Variants in WDFY4 observed in about 807,000 individuals in gnomAD.
The protein encoded by WDFY4 is WD repeat- and FYVE domain-containing protein 4.
In WDFY4, 169 loss-of-function variants were observed where a neutral mutation model predicts 351.9. The ratio of observed to expected loss-of-function variants is 0.48; its 90% CI spans 0.42 to 0.55. WDFY4 has a LOEUF of 0.55. Among genes scored for constraint, WDFY4 ranks in the 20% least tolerant of loss-of-function variants. The pLI, the probability that WDFY4 is intolerant of heterozygous loss-of-function variation, is 0.00. For synonymous variants in WDFY4, 1,622 were observed against 1,574.6 expected (o/e 1.03, Z -0.71); for missense variants, 3,803 against 3,935.6 (o/e 0.97, Z 0.90).
intron 5 of WDFY4, 50 bp from the exon 6 acceptor site, chr10:48,725,831 G>A (rs760692044): frequency 2.7e-6 from 4 of 1,497,750 alleles, no homozygotes; most frequent in Admixed American, 4.0e-5. Context: ...ATCTGAGGAA[G>A]GAGACTTCCT....
At chr10:48,798,690 C>G (rs1280011434) in intron 24 of WDFY4, among the ~76,000 whole-genome samples, 1 of 152,326 alleles carries the variant, frequency 6.6e-6, no homozygotes, top group East Asian at 1.9e-4. Flanking sequence ...GCTGGGCACT[C>G]ATAGGGAAAT....
At chr10:48,908,372 T>C (rs2133449245) in intron 47 of WDFY4, among the ~76,000 whole-genome samples, 1 of 152,330 alleles carries the variant, frequency 6.6e-6, no homozygotes, top group East Asian at 1.9e-4. Context: ...ACCTGGGACA[T>C]AGAGATTTCA....
At chr10:48,849,587 A>G (rs1836430063) in intron 39 of WDFY4, among the ~76,000 whole-genome samples, 1 of 152,240 alleles carries the variant, frequency 6.6e-6, no homozygotes, top group Non-Finnish European at 1.5e-5. Flanking sequence ...TCCCAGGTTC[A>G]CAGTGGGGGT....
chr10:48,781,251 T>C (rs950709124), intron 19 of WDFY4, among the ~76,000 whole-genome samples: 1 of 151,904 alleles, frequency 6.6e-6, no homozygotes, highest in East Asian at 1.9e-4. Flanking sequence ...TGTGTATATA[T>C]ATATGTGTGT....
chr10:48,879,333 C>A (rs2070154211), intron 43 of WDFY4, among the ~76,000 whole-genome samples: 1 of 152,160 alleles, frequency 6.6e-6, no homozygotes, highest in Non-Finnish European at 1.5e-5. Flanking sequence ...CTGCTGGGCA[C>A]CCTACGTTGT....
intron 47 of WDFY4, among the ~76,000 whole-genome samples, chr10:48,936,499 G>T (rs949629992): frequency 5.3e-5 from 8 of 151,944 alleles, no homozygotes. Context: ...AAATATACAA[G>T]ATAAATACAT....
chr10:48,865,870 T>A (rs1202323228), intron 39 of WDFY4, among the ~76,000 whole-genome samples: 1 of 152,174 alleles, frequency 6.6e-6, no homozygotes, highest in East Asian at 1.9e-4. Flanking sequence ...TGGCATACAA[T>A]TGTTTATAGT....
At chr10:48,763,963 C>T (rs1284463642) in intron 13 of WDFY4, among the ~76,000 whole-genome samples, 2 of 152,200 alleles carry the variant, frequency 1.3e-5, no homozygotes, top group East Asian at 1.9e-4. Context: ...AACGGCAGGC[C>T]TCCGCAGGTT....
chr10:48,735,082 C>T (rs116082301), intron 10 of WDFY4, among the ~76,000 whole-genome samples: 2,200 of 152,000 alleles, frequency 0.014, 50 homozygotes, highest in African/African-American at 0.05. Flanking sequence ...TGAGCCACCA[C>T]GCCTGGCCAG....
At chr10:48,947,940 G>A (rs576177940) in intron 51 of WDFY4, among the ~76,000 whole-genome samples, 18 of 152,300 alleles carry the variant, frequency 1.2e-4, no homozygotes, top group Middle Eastern at 3.4e-3. Context: ...TGACACCTAA[G>A]CCTCATCTCA....
intron 43 of WDFY4, among the ~76,000 whole-genome samples, chr10:48,882,214 T>C (rs946990213): frequency 6.6e-6 from 1 of 152,068 alleles, no homozygotes; most frequent in Non-Finnish European, 1.5e-5. Flanking sequence ...GGGAGCCTGC[T>C]CTGGGGTGGG....
chr10:48,930,275 G>A (rs1839914568), intron 47 of WDFY4, among the ~76,000 whole-genome samples: 1 of 152,210 alleles, frequency 6.6e-6, no homozygotes, highest in Non-Finnish European at 1.5e-5. Flanking sequence ...AGGATTTCCA[G>A]AATATGAATA....
Position 48,776,941 on chromosome 10 carries a change from G to GC in WDFY4, c.3059dup (p.Ser1021IlefsTer6). The GC allele has an allele frequency of 1.3e-6, 2 of 1,552,348 alleles. No homozygotes were observed. Among genetic ancestry groups the GC allele is most frequent in the Non-Finnish European group, 1.7e-6 (2 of 1,147,114 alleles). The stretch of plus-strand genomic sequence containing the variant: ...CCTGCAGCCTCAGAGGGCAGCCCTG[G>GC]CCCCATCGTTTGTGGAATTTGACAT... On this transcript the variant is annotated frameshift_variant, in exon 16 of 62. Coordinates refer to ENST00000325239, the MANE Select transcript of WDFY4 (RefSeq NM_001394531.1). LOFTEE classifies it high-confidence loss of function.
In WDFY4 at chr10:48,970,286, G is replaced by T; in HGVS notation, c.8925G>T (p.Arg2975=). The T allele has an allele frequency of 6.5e-7, 1 of 1,550,362 alleles. No homozygotes were observed. ...GCCGCCCGAGGGGCTTGCGCCTCCG[G>T]CAGGTATGGTCCAGCTCGTGCAGGT... The part of the protein sequence containing the change: ...TKGRPRGLRL[R]QALYGHTQAV... Residue 2975 remains arginine (R), a synonymous_variant, in exon 57 of 62, where the codon CGG becomes CGT. Transcript: ENST00000325239.
chr10:48,844,593 G>A (rs1005622875), intron 39 of WDFY4, among the ~76,000 whole-genome samples: 4 of 151,280 alleles, frequency 2.6e-5, no homozygotes, highest in Non-Finnish European at 4.4e-5. Flanking sequence ...ACTCCTTCTC[G>A]AACAAAAAAG....
At chr10:48,745,793 A>G (rs2064992603) in intron 12 of WDFY4, 2 of 411,014 alleles carry the variant, frequency 4.9e-6, no homozygotes, top group Non-Finnish European at 9.1e-6. Context: ...ACACCCATCT[A>G]GTTTTCCTGC....
chr10:48,966,568 C>T lies in WDFY4; in HGVS notation c.8479C>T (p.Pro2827Ser). The T allele has an allele frequency of 6.4e-7, 1 of 1,552,166 alleles. No individual in the cohort carries two copies. The highest frequency in any genetic ancestry group is 1.4e-5 in the African/African-American group (1 of 73,158). ...PHPARTAAGK[P>S]LPGKDVSTPV... ...CCCAGCCAGGACTGCAGCAGGGAAG[C>T]CTCTGCCTGGAAAGGATGTCTCCAC... The change falls in exon 55 of 62, where the codon CCT becomes TCT. Residue 2827 changes from proline to serine, a missense_variant. This residue lies in a region of WDFY4 where 3,054 missense variants were observed against 3,148.6 expected (regional missense o/e 0.97). Transcript: ENST00000325239.
At chr10:48,722,004 A>T (rs11813901) in intron 4 of WDFY4, among the ~76,000 whole-genome samples, 12,793 of 152,150 alleles carry the variant, frequency 0.084, 679 homozygotes, top group African/African-American at 0.15. Context: ...ACAGCAGGGA[A>T]CCTGGGTGGC....
chr10:48,744,985 C>A (rs996257438), intron 12 of WDFY4, among the ~76,000 whole-genome samples: 2 of 152,130 alleles, frequency 1.3e-5, no homozygotes, highest in Non-Finnish European at 2.9e-5. Context: ...GCCCTATGAA[C>A]CAACTTTGAC....
Sources: gnomAD v4.1 joint callset for allele counts (sites outside exome capture counted in the v4.1 genomes callset) on GRCh38, gnomAD v4.1.1 for gene constraint, gnomAD v4.1.1 regional missense constraint, MANE v1.5 for transcripts, NCBI Gene and HGNC (gene_info 2026-07-23, HGNC 2026-07-21) for gene names.